UBE3C: variants seen among roughly 807,000 people sequenced by gnomAD.
The protein encoded by UBE3C is ubiquitin protein ligase E3C.
A neutral mutation model predicts 129.4 loss-of-function variants in UBE3C; 42 were observed. The observed-to-expected ratio is 0.32, with a 90% confidence interval of 0.25 to 0.42. The LOEUF is 0.42. Ranked by LOEUF, UBE3C falls within the 10% of genes least tolerant of loss-of-function variation. The pLI is 1.00. For missense variants in UBE3C, 1,049 were observed against 1,319.1 expected, an observed-to-expected ratio of 0.80 and a Z score of 3.17; for synonymous variants, 510 against 492.4, an observed-to-expected ratio of 1.04 and a Z score of -0.47.
In UBE3C at chr7:157,156,713, T is replaced by A. The variant is rs1427745301; in HGVS notation, c.67-7097T>A. 2.6e-3 allele frequency among the ~76,000 whole-genome samples: 368 copies of A among 140,522 alleles called. 2 individuals are homozygous for A. The highest frequency in any genetic ancestry group is 5.5e-3 in the South Asian group (24 of 4,388). 92.2% of individuals were successfully genotyped at this position (140,522 alleles called of 152,430 possible). ...ATAGGTGTGTAAATTCCCTTCTTTT[T>A]AAAAAAAAAAAAAAAAACACAAGCT... On this transcript the variant is annotated intron_variant, in intron 1 of 22. Coordinates refer to ENST00000348165, the MANE Select transcript of UBE3C (RefSeq NM_014671.3).
In UBE3C at chr7:157,197,564, C is replaced by T. The variant is rs1006489824; in HGVS notation, c.1332-4157C>T. 8.4e-5 allele frequency: 111 copies of T among 1,313,660 alleles called. No individual in the cohort carries two copies. The African/African-American group carries it at 1.5e-3, about 18-fold the overall frequency. 81.4% of individuals were successfully genotyped at this position (1,313,660 alleles called of 1,614,324 possible). ...TGTCCTTATTAATACGACACATCAT[C>T]TGTTCCCACATGGTACTGCATGGAT... On this transcript the variant is annotated intron_variant, in intron 10 of 22. Coordinates refer to ENST00000348165, the MANE Select transcript of UBE3C (RefSeq NM_014671.3).
intron 18 of UBE3C, among the ~76,000 whole-genome samples, chr7:157,245,825 T>C (rs974642084): frequency 3.3e-5 from 5 of 151,956 alleles, no homozygotes; most frequent in African/African-American, 1.2e-4. Flanking sequence ...ACTCCATCTC[T>C]ACTAAAAATA....
At chr7:157,150,458 T>C (rs985188756) in intron 1 of UBE3C, among the ~76,000 whole-genome samples, 4 of 152,204 alleles carry the variant, frequency 2.6e-5, no homozygotes, top group African/African-American at 7.2e-5. Flanking sequence ...CGTAAAAATT[T>C]ATTCTAGTGA....
At chr7:157,213,248 C>G (rs1368551108) in intron 13 of UBE3C, among the ~76,000 whole-genome samples, 1 of 152,250 alleles carries the variant, frequency 6.6e-6, no homozygotes, top group Non-Finnish European at 1.5e-5. Context: ...CAGCTAGATA[C>G]AGCTAGTTGT....
In UBE3C at chr7:157,241,559, G is replaced by T. The variant is rs191111292; in HGVS notation, c.2482-6809G>T. On this transcript the variant is annotated intron_variant, in intron 18 of 22. Coordinates refer to ENST00000348165, the MANE Select transcript of UBE3C (RefSeq NM_014671.3). ...TACGGCGGGAATCAAACCAGGAACC[G>T]CAGGGTTGGTGAGGATGTGGAGGAA... 6.0e-4 allele frequency among the ~76,000 whole-genome samples: 91 copies of T among 152,202 alleles called. 1 individual carries two copies. The highest frequency in any genetic ancestry group is 2.0e-3 in the African/African-American group (84 of 41,454).
chr7:157,264,298 C>A (rs1584833782), intron 22 of UBE3C, among the ~76,000 whole-genome samples: 1 of 8,922 alleles, frequency 1.1e-4, no homozygotes, highest in Non-Finnish European at 2.6e-4. Context: ...TGGCCTGTTA[C>A]ACACACACAC....
intron 21 of UBE3C, 92 bp downstream of exon 21, chr7:157,254,402 AT>A (rs370843256): frequency 1.0e-3 from 618 of 598,448 alleles, no homozygotes; most frequent in Non-Finnish European, 1.3e-3. Flanking sequence ...TAATTTATTT[AT>A]TTTTTTTTTT....
At chr7:157,201,588 G>GT in intron 10 of UBE3C, 133 bp from the exon 11 acceptor site, 1 of 576,702 alleles carries the variant, frequency 1.7e-6, no homozygotes, top group Non-Finnish European at 2.8e-6. Flanking sequence ...GCTTTTTGTG[G>GT]TATTAGTACA....
chr7:157,171,102 T>C (rs1808355516), intron 4 of UBE3C, among the ~76,000 whole-genome samples: 2 of 139,686 alleles, frequency 1.4e-5, no homozygotes, highest in South Asian at 4.5e-4. Context: ...CGTGAGCCAC[T>C]GTACATGATT....
At chr7:157,139,794 G>A (rs889364813) in intron 1 of UBE3C, among the ~76,000 whole-genome samples, 1 of 152,250 alleles carries the variant, frequency 6.6e-6, no homozygotes, top group Admixed American at 6.5e-5. Flanking sequence ...TGGCATCAGG[G>A]AGTGGCTGCT....
intron 17 of UBE3C, among the ~76,000 whole-genome samples, chr7:157,226,280 C>G (rs776407254): frequency 6.6e-6 from 1 of 152,166 alleles, no homozygotes; most frequent in Non-Finnish European, 1.5e-5. Flanking sequence ...AATGACACTG[C>G]CGTTAGTAAA....
chr7:157,253,295 C>T (rs1361120020), intron 19 of UBE3C, among the ~76,000 whole-genome samples: 3 of 152,208 alleles, frequency 2.0e-5, no homozygotes, highest in Non-Finnish European at 4.4e-5. Flanking sequence ...TGTGTTTCCG[C>T]TGTGTTGCTT....
intron 20 of UBE3C, 31 bp from the exon 21 acceptor site, chr7:157,254,213 C>T (rs767822166): frequency 2.8e-5 from 45 of 1,610,314 alleles, no homozygotes; most frequent in Non-Finnish European, 3.8e-5. Flanking sequence ...AAATTTACCT[C>T]AAATGTTATT....
In UBE3C at chr7:157,182,201, G is replaced by A. The variant is rs896770773; in HGVS notation, c.864G>A (p.Ala288=). 2.8e-5 allele frequency: 45 copies of A among 1,613,912 alleles called. No individual in the cohort carries two copies. Among genetic ancestry groups the A allele is most frequent in the Non-Finnish European group, 3.1e-5 (36 of 1,179,982 alleles). The change falls in exon 8 of 23, where the codon GCG becomes GCA. Residue 288 remains alanine (A), a synonymous_variant. Coordinates refer to ENST00000348165, the MANE Select transcript of UBE3C (RefSeq NM_014671.3). ...TCATCATTCCGGCGCTTGCAGATGC[G>A]CAGACCGTTTTCCCTTACGAGCCCT... ...FHFIIPALAD[A]QTVFPYEPFL...
At position 157,143,071 on chromosome 7, in the gene UBE3C, C is replaced by T. The variant is rs1209640712; in HGVS notation, c.66+3733C>T. ...TAGTAGAGATGGGGTTTCTCCATGT[C>T]GGTCGGGCGGGTCTCGAACTCCCGA... On this transcript the variant is annotated intron_variant, in intron 1 of 22. Coordinates refer to ENST00000348165, the MANE Select transcript of UBE3C (RefSeq NM_014671.3). Among the ~76,000 whole-genome samples, 9 of 151,962 alleles carry T rather than the reference C, an allele frequency of 5.9e-5. No individual in the cohort carries two copies. The South Asian group carries it at 6.2e-4, about 11-fold the overall frequency.
At chr7:157,155,617 A>G (rs1207061931) in intron 1 of UBE3C, among the ~76,000 whole-genome samples, 1 of 152,216 alleles carries the variant, frequency 6.6e-6, no homozygotes, top group East Asian at 1.9e-4. Context: ...ACGCTTTACT[A>G]TTTCAAATAA....
intron 5 of UBE3C, among the ~76,000 whole-genome samples, chr7:157,175,744 A>G (rs150480887): frequency 6.6e-6 from 1 of 152,360 alleles, no homozygotes; most frequent in Non-Finnish European, 1.5e-5. Flanking sequence ...TAAAGAACCT[A>G]TTAGAAGAGA....
intron 8 of UBE3C, among the ~76,000 whole-genome samples, 163 bp from the exon 9 acceptor site, chr7:157,183,715 G>A (rs778644381): frequency 1.2e-4 from 18 of 152,002 alleles, no homozygotes; most frequent in Non-Finnish European, 2.6e-4. Flanking sequence ...ACATGAACGG[G>A]GACAAAATCT....
chr7:157,164,105 T>C (rs1022577946), intron 2 of UBE3C, among the ~76,000 whole-genome samples: 1 of 152,116 alleles, frequency 6.6e-6, no homozygotes. Context: ...CATAATGATA[T>C]GGTTTCCAGA....
Sources: gnomAD v4.1 joint callset for allele counts (sites outside exome capture counted in the v4.1 genomes callset) on GRCh38, gnomAD v4.1.1 for gene constraint, MANE v1.5 for transcripts, NCBI Gene and HGNC (gene_info 2026-07-23, HGNC 2026-07-21) for gene names.